LRRC4C: variants seen among roughly 807,000 people sequenced by gnomAD.
The protein encoded by LRRC4C is leucine-rich repeat-containing protein 4C.
LRRC4C carries 5 observed loss-of-function variants against 33.6 expected under a neutral mutation model. The ratio of observed to expected loss-of-function variants is 0.15; its 90% confidence interval spans 0.08 to 0.31. The LOEUF is 0.31. Among genes scored for constraint, LRRC4C ranks in the 10% least tolerant of loss-of-function variants. LRRC4C has a pLI of 1.00. For missense variants in LRRC4C, 560 were observed against 796.7 expected (o/e 0.70, Z 3.58); for synonymous variants, 329 against 302.0 (o/e 1.09, Z -0.93).
chr11:40,803,308 G>A (rs1160378196), intron 2 of LRRC4C, among the ~76,000 whole-genome samples: 1 of 152,138 alleles, frequency 6.6e-6, no homozygotes, highest in Non-Finnish European at 1.5e-5. Context: ...TGCTATATGA[G>A]AGGACCAGGG....
At position 40,324,479 on chromosome 11, in the gene LRRC4C, T is replaced by C. The variant is rs1043337790; in HGVS notation, c.-269-4758A>G. Among the ~76,000 whole-genome samples the C allele has an allele frequency of 2.6e-5, 4 of 152,240 alleles. No individual in the cohort carries two copies. The South Asian group carries it at 6.2e-4, about 24-fold the overall frequency. ...CGTTCCTTTTGACGGTGAAATGAAATGGGCAATGAAAGATTGGAATTAGCA... is the reference window on the plus strand; with the variant it reads ...CGTTCCTTTTGACGGTGAAATGAAACGGGCAATGAAAGATTGGAATTAGCA... On this transcript the variant is annotated intron_variant, in intron 3 of 6. Transcript: ENST00000528697.
intron 2 of LRRC4C, among the ~76,000 whole-genome samples, chr11:40,671,152 C>G (rs1194179839): frequency 6.6e-6 from 1 of 152,092 alleles, no homozygotes; most frequent in Non-Finnish European, 1.5e-5. Context: ...ATACTTACAC[C>G]TACAACTACA....
intron 1 of LRRC4C, among the ~76,000 whole-genome samples, chr11:41,345,392 C>T (rs1017775976): frequency 6.6e-6 from 1 of 152,114 alleles, no homozygotes; most frequent in Non-Finnish European, 1.5e-5. Context: ...TGTATTCCGC[C>T]ATGGTCTTTA....
chr11:41,378,037 G>A (rs1007197959), intron 1 of LRRC4C, among the ~76,000 whole-genome samples: 23 of 152,064 alleles, frequency 1.5e-4, no homozygotes, highest in Admixed American at 1.2e-3. Flanking sequence ...GGGCAGTGGG[G>A]GTAGCACAAA....
At chr11:40,239,875 T>C (rs568362335) in intron 5 of LRRC4C, among the ~76,000 whole-genome samples, 1 of 152,314 alleles carries the variant, frequency 6.6e-6, no homozygotes, top group South Asian at 2.1e-4. Flanking sequence ...AGATACTCAG[T>C]TGACCCTTAA....
At chr11:41,382,110 G>A (rs1232955687) in intron 1 of LRRC4C, among the ~76,000 whole-genome samples, 1 of 151,932 alleles carries the variant, frequency 6.6e-6, no homozygotes. Context: ...CATAACTAAT[G>A]AAAAATGACA....
Position 41,077,924 on chromosome 11 carries a change from G to A in LRRC4C, c.-495-144201C>T, listed in dbSNP as rs143135191. On this transcript the variant is annotated intron_variant, in intron 1 of 6. Coordinates refer to ENST00000528697, the MANE Select transcript of LRRC4C (RefSeq NM_001258419.2). ...CACTTCTAGAAACAGGTAACTTATC[G>A]AATGCTTTGTTGCTTAGAAATTTCT... Among the ~76,000 whole-genome samples, 121 of 152,150 alleles carry A rather than the reference G, an allele frequency of 8.0e-4. 1 individual carries two copies. In the East Asian group the frequency reaches 0.018, roughly 23 times the overall value.
intron 3 of LRRC4C, among the ~76,000 whole-genome samples, chr11:40,394,683 C>T (rs1949470183): frequency 1.3e-5 from 2 of 152,154 alleles, no homozygotes; most frequent in Middle Eastern, 3.4e-3. Flanking sequence ...GACTTGTGAA[C>T]AGGCAATGCA....
chr11:40,154,379 T>G (rs1487821653), intron 5 of LRRC4C, among the ~76,000 whole-genome samples: 1 of 149,526 alleles, frequency 6.7e-6, no homozygotes, highest in Non-Finnish European at 1.5e-5. Context: ...TAACATTAAA[T>G]GTAAATGGCC....
At chr11:40,456,946 T>TA (rs1176669663) in intron 3 of LRRC4C, among the ~76,000 whole-genome samples, 1 of 151,730 alleles carries the variant, frequency 6.6e-6, no homozygotes, top group African/African-American at 2.4e-5. Flanking sequence ...TTGAATGGCT[T>TA]AAAATTCTTT....
intron 2 of LRRC4C, among the ~76,000 whole-genome samples, chr11:40,904,429 T>C (rs567707627): frequency 1.4e-4 from 21 of 152,298 alleles, no homozygotes; most frequent in African/African-American, 5.1e-4. Context: ...TCAAGTGTTA[T>C]AAAAGAAAAT....
intron 1 of LRRC4C, among the ~76,000 whole-genome samples, chr11:41,196,150 A>T (rs1946169607): frequency 6.6e-6 from 1 of 152,098 alleles, no homozygotes; most frequent in African/African-American, 2.4e-5. Context: ...CTGTCAGTGT[A>T]TGAGCACCTC....
At chr11:40,887,114 A>G (rs1955504220) in intron 2 of LRRC4C, among the ~76,000 whole-genome samples, 1 of 151,678 alleles carries the variant, frequency 6.6e-6, no homozygotes, top group Non-Finnish European at 1.5e-5. Context: ...TTAAGAAGCC[A>G]TTCTTCATGA....
At chr11:40,900,953 T>G (rs1956170186) in intron 2 of LRRC4C, among the ~76,000 whole-genome samples, 1 of 152,040 alleles carries the variant, frequency 6.6e-6, no homozygotes, top group Non-Finnish European at 1.5e-5. Flanking sequence ...CTTTAAAAAT[T>G]TTGTGTGTTT....
chr11:41,181,878 C>T (rs1195910265), intron 1 of LRRC4C, among the ~76,000 whole-genome samples: 4 of 152,048 alleles, frequency 2.6e-5, no homozygotes, highest in Non-Finnish European at 5.9e-5. Context: ...TTAGTATATG[C>T]TAATGAATTT....
intron 1 of LRRC4C, among the ~76,000 whole-genome samples, chr11:41,368,052 A>G (rs554155803): frequency 6.6e-6 from 1 of 152,308 alleles, no homozygotes; most frequent in East Asian, 1.9e-4. Context: ...GTGATAAGCC[A>G]AAATCTCATA....
chr11:40,379,761 A>C (rs561553377), intron 3 of LRRC4C, among the ~76,000 whole-genome samples: 11 of 152,310 alleles, frequency 7.2e-5, no homozygotes, highest in African/African-American at 2.4e-4. Flanking sequence ...GTAGAGTAAA[A>C]TATTTATTTA....
At chr11:40,782,293 G>A (rs142109185) in intron 2 of LRRC4C, among the ~76,000 whole-genome samples, 14 of 152,100 alleles carry the variant, frequency 9.2e-5, no homozygotes, top group East Asian at 3.9e-4. Context: ...GTTACTACCC[G>A]TCCTGATGCA....
intron 2 of LRRC4C, among the ~76,000 whole-genome samples, chr11:40,665,346 ATATATATATATATATATG>A (rs1305144539): frequency 0.096 from 2,032 of 21,126 alleles, 73 homozygotes; most frequent in Non-Finnish European, 0.13. Flanking sequence ...ATATATATAT[ATATATATATATATATATG>A]TATATATATA....
Sources: gnomAD v4.1 joint callset for allele counts (sites outside exome capture counted in the v4.1 genomes callset) on GRCh38, gnomAD v4.1.1 for gene constraint, MANE v1.5 for transcripts, NCBI Gene and HGNC (gene_info 2026-07-23, HGNC 2026-07-21) for gene names.